Variants in COL23A1 observed in about 807,000 individuals in gnomAD.
The protein encoded by COL23A1 is collagen type XXIII alpha 1 chain, also known as collagen alpha-1(XXIII) chain.
In COL23A1, 97 loss-of-function variants were observed where a neutral mutation model predicts 99.3. The ratio of observed to expected loss-of-function variants is 0.98; its 90% CI spans 0.83 to 1.16. The LOEUF is 1.16. Ranked by LOEUF, COL23A1 falls within the 50% of genes most tolerant of loss-of-function variation. The pLI is 0.00. For synonymous variants in COL23A1, 320 were observed against 308.2 expected, an observed-to-expected ratio of 1.04 and a Z score of -0.40; for missense variants, 762 against 757.4, an observed-to-expected ratio of 1.01 and a Z score of -0.07.
intron 2 of COL23A1, among the ~76,000 whole-genome samples, chr5:178,495,692 C>T (rs79701062): frequency 1.3e-5 from 2 of 151,944 alleles, no homozygotes; most frequent in African/African-American, 4.8e-5. Flanking sequence ...AGAGAGGGCA[C>T]GGGGACCAAG....
chr5:178,529,481 C>A (rs1760516430), intron 2 of COL23A1, among the ~76,000 whole-genome samples: 1 of 152,142 alleles, frequency 6.6e-6, no homozygotes, highest in African/African-American at 2.4e-5. Flanking sequence ...TCCCTTCAGT[C>A]CTGGCACCCA....
intron 2 of COL23A1, among the ~76,000 whole-genome samples, chr5:178,321,013 G>A (rs1022963871): frequency 1.3e-5 from 2 of 152,226 alleles, no homozygotes; most frequent in Non-Finnish European, 2.9e-5. Context: ...TGTGTTTTGG[G>A]CAGCAGGATT....
intron 2 of COL23A1, among the ~76,000 whole-genome samples, chr5:178,338,532 T>C (rs1581178323): frequency 7.8e-6 from 1 of 127,454 alleles, no homozygotes; most frequent in East Asian, 1.9e-4. Context: ...CCCCCAAGAA[T>C]GGGGGTAGCT....
chr5:178,288,645 ACGTGGGG>A (rs1174896318), intron 4 of COL23A1: 1 of 544,248 alleles, frequency 1.8e-6, no homozygotes, highest in Non-Finnish European at 3.4e-6. Flanking sequence ...CCACGTGGGG[ACGTGGGG>A]TTCTGGAGGG....
At chr5:178,571,585 T>C (rs1434432514) in intron 1 of COL23A1, among the ~76,000 whole-genome samples, 1 of 134,608 alleles carries the variant, frequency 7.4e-6, no homozygotes, top group African/African-American at 3.2e-5. Flanking sequence ...GTAAAAGTCA[T>C]CATGTCTGGC....
chr5:178,538,730 A>G (rs1761117145), intron 2 of COL23A1, among the ~76,000 whole-genome samples: 1 of 152,226 alleles, frequency 6.6e-6, no homozygotes, highest in African/African-American at 2.4e-5. Flanking sequence ...CTAGCTATCT[A>G]CCCAAGAGAA....
chr5:178,377,345 C>A (rs1006181448), intron 2 of COL23A1, among the ~76,000 whole-genome samples: 16 of 150,686 alleles, frequency 1.1e-4, no homozygotes, highest in African/African-American at 4.0e-4. Flanking sequence ...CAAGGGAAGG[C>A]ATGAACTGCC....
chr5:178,372,065 C>T (rs936133139), intron 2 of COL23A1, among the ~76,000 whole-genome samples: 26 of 152,348 alleles, frequency 1.7e-4, no homozygotes, highest in African/African-American at 4.1e-4. Flanking sequence ...TTTTAAAACA[C>T]GGGAACTCAT....
intron 2 of COL23A1, among the ~76,000 whole-genome samples, chr5:178,497,337 TC>T (rs1758249216): frequency 6.6e-6 from 1 of 152,134 alleles, no homozygotes; most frequent in Non-Finnish European, 1.5e-5. Flanking sequence ...TGCATCAAGA[TC>T]CTCAGAAATG....
chr5:178,552,723 AAAT>A (rs1352416030), intron 2 of COL23A1, among the ~76,000 whole-genome samples: 14 of 130,314 alleles, frequency 1.1e-4, no homozygotes, highest in African/African-American at 3.6e-4. Flanking sequence ...AAAAAAAAAA[AAAT>A]TTTTTTCAGA....
chr5:178,585,737 C>CCTGGATGGCG (rs1562115617), intron 1 of COL23A1, among the ~76,000 whole-genome samples: 2 of 128,800 alleles, frequency 1.6e-5, no homozygotes, highest in Admixed American at 7.4e-5. Flanking sequence ...ACTCCACAGC[C>CCTGGATGGCG]CTGGCTGACC....
At chr5:178,548,735 G>T (rs1370351339) in intron 2 of COL23A1, among the ~76,000 whole-genome samples, 1 of 151,938 alleles carries the variant, frequency 6.6e-6, no homozygotes, top group Non-Finnish European at 1.5e-5. Flanking sequence ...CTATGTATTT[G>T]TTGTATGTGT....
intron 2 of COL23A1, among the ~76,000 whole-genome samples, chr5:178,491,320 A>C (rs190821306): frequency 2.9e-4 from 44 of 152,238 alleles, no homozygotes; most frequent in African/African-American, 9.9e-4. Flanking sequence ...CAAGAGGACG[A>C]CAGTTCTCCT....
At chr5:178,304,927 C>T (rs1424714077) in intron 3 of COL23A1, among the ~76,000 whole-genome samples, 1 of 152,154 alleles carries the variant, frequency 6.6e-6, no homozygotes, top group Non-Finnish European at 1.5e-5. Context: ...CCCAGTGAGT[C>T]TATCTTTCCT....
rs146459402 is a variant in COL23A1 at position 178,481,701 on chromosome 5, G to A, written c.361+78981C>T. Among the ~76,000 whole-genome samples the A allele has an allele frequency of 6.7e-3, 1,021 of 152,176 alleles. 13 individuals are homozygous for A. Among genetic ancestry groups the A allele is most frequent in the Middle Eastern group, 0.024 (7 of 294 alleles). ...ACTTCATACCCATTAGTATAGCTAT[G>A]ATTAAAAAGAGGGAAAATGACAGCA... On this transcript the variant is annotated intron_variant, in intron 2 of 28. Transcript: ENST00000390654.
At chr5:178,267,377 G>A (rs184115124) in intron 7 of COL23A1, 44 bp from the exon 8 acceptor site, 31 of 1,603,780 alleles carry the variant, frequency 1.9e-5, no homozygotes, top group African/African-American at 1.3e-5. Context: ...TGCTTTCATC[G>A]TTTCTTCACA....
At chr5:178,499,649 G>A (rs901119393) in intron 2 of COL23A1, among the ~76,000 whole-genome samples, 12 of 152,222 alleles carry the variant, frequency 7.9e-5, no homozygotes, top group African/African-American at 2.9e-4. Context: ...CACACAAACT[G>A]TCATGTCAGT....
intron 2 of COL23A1, among the ~76,000 whole-genome samples, chr5:178,449,836 T>C (rs759314850): frequency 2.0e-5 from 3 of 152,100 alleles, no homozygotes; most frequent in African/African-American, 7.2e-5. Context: ...CAGCGCCGGT[T>C]AGTAAGTGAC....
chr5:178,263,711 C>G (rs936947092), intron 8 of COL23A1, among the ~76,000 whole-genome samples: 2 of 152,212 alleles, frequency 1.3e-5, no homozygotes, highest in African/African-American at 4.8e-5. Flanking sequence ...TTGGTCAACT[C>G]CCACTTCATT....
Sources: gnomAD v4.1 joint callset for allele counts (sites outside exome capture counted in the v4.1 genomes callset) on GRCh38, gnomAD v4.1.1 for gene constraint, MANE v1.5 for transcripts, NCBI Gene and HGNC (gene_info 2026-07-23, HGNC 2026-07-21) for gene names.